The following CBLB variants were observed in gnomAD, a reference collection of about 807,000 sequenced individuals.
CBLB encodes Cbl proto-oncogene B, also known as E3 ubiquitin-protein ligase CBL-B.
Under a neutral mutation model 104.9 loss-of-function variants are expected in CBLB, and 31 were observed. The ratio of observed to expected loss-of-function variants is 0.30; its 90% CI spans 0.22 to 0.40. CBLB has a LOEUF of 0.40. Among genes scored for constraint, CBLB ranks in the 10% least tolerant of loss-of-function variants. The pLI is 1.00. For missense variants in CBLB, 1,062 were observed against 1,214.6 expected, an observed-to-expected ratio of 0.87 and a Z score of 1.87; for synonymous variants, 440 against 422.6, an observed-to-expected ratio of 1.04 and a Z score of -0.51.
At chr3:105,764,365 C>T (rs1192235540) in intron 4 of CBLB, among the ~76,000 whole-genome samples, 2 of 152,180 alleles carry the variant, frequency 1.3e-5, no homozygotes, top group Non-Finnish European at 2.9e-5. Flanking sequence ...GCACACAGGT[C>T]TAGCCAATTG....
chr3:105,776,321 C>T lies in CBLB; in HGVS notation c.566+75G>A, dbSNP rs1040509124. 3 of 1,287,114 alleles carry T rather than the reference C, an allele frequency of 2.3e-6. No homozygotes were observed. The African/African-American group carries it at 4.5e-5, about 19-fold the overall frequency. 79.7% of individuals were successfully genotyped at this position (1,287,114 alleles called of 1,614,324 possible). A position where few individuals can be genotyped will look rare whatever the true frequency, so the allele number is the denominator to read the frequency against. On this transcript the variant is annotated intron_variant, in intron 4 of 18. Transcript: ENST00000394030. Reference sequence around the variant, plus strand: ...ACAAAACACTCAAGTAAAATATATACCATATCCAACTGGAGGGAGGATACA... The same window carrying T: ...ACAAAACACTCAAGTAAAATATATATCATATCCAACTGGAGGGAGGATACA...
intron 3 of CBLB, among the ~76,000 whole-genome samples, chr3:105,778,040 T>G (rs2079690171): frequency 6.6e-6 from 1 of 152,230 alleles, no homozygotes; most frequent in Admixed American, 6.5e-5. Flanking sequence ...AGGTACATTC[T>G]GCATATGTTT....
intron 5 of CBLB, among the ~76,000 whole-genome samples, chr3:105,750,447 AAT>A (rs1453184890): frequency 2.0e-5 from 3 of 152,338 alleles, no homozygotes; most frequent in African/African-American, 7.2e-5. Context: ...AAAGAGAATC[AAT>A]GTTACTTCAG....
At chr3:105,674,412 T>C (rs1356158175) in intron 17 of CBLB, among the ~76,000 whole-genome samples, 1 of 152,254 alleles carries the variant, frequency 6.6e-6, no homozygotes, top group Non-Finnish European at 1.5e-5. Context: ...TTATCTTTAA[T>C]AAAGTCAATT....
chr3:105,768,300 A>G (rs2078456078), intron 4 of CBLB, among the ~76,000 whole-genome samples: 1 of 152,218 alleles, frequency 6.6e-6, no homozygotes, highest in Non-Finnish European at 1.5e-5. Context: ...AAGAATTGTT[A>G]TGCCAGAGAT....
intron 12 of CBLB, 60 bp from the exon 13 acceptor site, chr3:105,693,648 A>G: frequency 1.9e-6 from 2 of 1,065,366 alleles, no homozygotes; most frequent in South Asian, 2.6e-5. Context: ...CCTTAAAGCC[A>G]TAGCTGCTCT....
chr3:105,722,190 C>A (rs1261357441), intron 9 of CBLB, among the ~76,000 whole-genome samples: 3 of 95,462 alleles, frequency 3.1e-5, no homozygotes, highest in African/African-American at 1.3e-4. Context: ...AAGGGTAAGA[C>A]CCCGTGCCAA....
At chr3:105,759,534 C>A (rs1437848501) in intron 4 of CBLB, among the ~76,000 whole-genome samples, 1 of 152,202 alleles carries the variant, frequency 6.6e-6, no homozygotes, top group Non-Finnish European at 1.5e-5. Flanking sequence ...CAGCCCAACC[C>A]CGTCGGCCTC....
intron 12 of CBLB, among the ~76,000 whole-genome samples, chr3:105,701,414 A>C (rs552439414): frequency 1.3e-3 from 197 of 152,334 alleles, no homozygotes; most frequent in Admixed American, 3.1e-3. Flanking sequence ...CTGATTTATG[A>C]CATGTATAGT....
At chr3:105,810,653 T>G (rs1214551350) in intron 3 of CBLB, among the ~76,000 whole-genome samples, 3 of 152,102 alleles carry the variant, frequency 2.0e-5, no homozygotes, top group African/African-American at 7.2e-5. Context: ...ATTCCATAGA[T>G]TCAGAAAATA....
Position 105,859,106 on chromosome 3 carries a change from T to A in CBLB, c.169-5442A>T, listed in dbSNP as rs569081909. On this transcript the variant is annotated intron_variant, in intron 2 of 18. Coordinates refer to ENST00000394030, the MANE Select transcript of CBLB (RefSeq NM_170662.5). ...AAAGAGTTTTCTGACTGCGCCTTAATTAAAACTTCCAGCCAAAAGGTAATA... is the reference window on the plus strand; with the variant it reads ...AAAGAGTTTTCTGACTGCGCCTTAAATAAAACTTCCAGCCAAAAGGTAATA... Among the ~76,000 whole-genome samples, 3 of 152,322 alleles carry A rather than the reference T, an allele frequency of 2.0e-5. No individual in the cohort carries two copies. The East Asian group carries it at 5.8e-4, about 29-fold the overall frequency.
intron 2 of CBLB, among the ~76,000 whole-genome samples, chr3:105,858,611 A>G (rs1353580149): frequency 6.6e-6 from 1 of 152,246 alleles, no homozygotes; most frequent in African/African-American, 2.4e-5. Context: ...TTGGTTCAAT[A>G]GCAATATTGC....
At chr3:105,766,920 T>C (rs1380495070) in intron 4 of CBLB, among the ~76,000 whole-genome samples, 1 of 152,236 alleles carries the variant, frequency 6.6e-6, no homozygotes, top group Non-Finnish European at 1.5e-5. Flanking sequence ...TAAGTATTTA[T>C]CTTCTTTTTA....
chr3:105,716,178 G>T (rs1443609698), intron 10 of CBLB, among the ~76,000 whole-genome samples: 2 of 152,178 alleles, frequency 1.3e-5, no homozygotes, highest in Non-Finnish European at 2.9e-5. Context: ...GTGTCAAAAT[G>T]ACCATGTGAC....
At chr3:105,805,293 TG>T (rs2083363315) in intron 3 of CBLB, among the ~76,000 whole-genome samples, 1 of 150,122 alleles carries the variant, frequency 6.7e-6, no homozygotes. Flanking sequence ...TCAAAACATA[TG>T]GCCCCCAATT....
intron 3 of CBLB, among the ~76,000 whole-genome samples, chr3:105,821,781 T>A (rs1206042808): frequency 6.6e-6 from 1 of 152,172 alleles, no homozygotes; most frequent in African/African-American, 2.4e-5. Context: ...CCATTTCATA[T>A]CTTTACCCAA....
chr3:105,836,042 A>G (rs777818302), intron 3 of CBLB, among the ~76,000 whole-genome samples: 3 of 152,222 alleles, frequency 2.0e-5, no homozygotes, highest in Non-Finnish European at 4.4e-5. Flanking sequence ...TCGAGTGATT[A>G]GAGGTAAACA....
rs568086079 is a variant in CBLB, at chr3:105,684,492, C to G, written c.2201+828G>C. 4.6e-5 allele frequency among the ~76,000 whole-genome samples: 7 copies of G among 152,204 alleles called. No individual in the cohort carries two copies. In the South Asian group the frequency reaches 1.5e-3, roughly 32 times the overall value. ...GGAGCTTCCAAGTCAAAGACCAAGG[C>G]TATCCCCATGTAAGTGAGAATAAGC... On this transcript the variant is annotated intron_variant, in intron 14 of 18. Transcript: ENST00000394030.
chr3:105,742,914 T>A (rs1418305933), intron 6 of CBLB, among the ~76,000 whole-genome samples: 4 of 152,174 alleles, frequency 2.6e-5, no homozygotes, highest in African/African-American at 9.6e-5. Context: ...TAAACATTGT[T>A]TTGGGATGGT....
Sources: allele counts gnomAD v4.1 joint callset (sites outside exome capture counted in the v4.1 genomes callset), GRCh38; gene constraint gnomAD v4.1.1; transcripts MANE v1.5; gene names NCBI Gene and HGNC (gene_info 2026-07-23, HGNC 2026-07-21).